The following DOCK3 variants were observed in gnomAD, a reference collection of about 807,000 sequenced individuals.
DOCK3 encodes dedicator of cytokinesis protein 3.
Under a neutral mutation model 265.6 loss-of-function variants are expected in DOCK3, and 60 were observed. That is an observed-to-expected ratio of 0.23 (90% CI 0.18 to 0.28). The LOEUF is 0.28. Among genes scored for constraint, DOCK3 ranks in the 10% least tolerant of loss-of-function variants. The pLI, the probability that DOCK3 is intolerant of heterozygous loss-of-function variation, is 1.00. For synonymous variants in DOCK3, 881 were observed against 938.0 expected, an observed-to-expected ratio of 0.94 and a Z score of 1.11; for missense variants, 1,981 against 2,594.3, an observed-to-expected ratio of 0.76 and a Z score of 5.14.
In DOCK3 at chr3:50,762,821, T is replaced by G. The variant is rs374025770; in HGVS notation, c.38-15854T>G. On this transcript the variant is annotated intron_variant, in intron 1 of 52. Transcript: ENST00000266037. ...TGTAATCATCTTTATGTGTTATGGA[T>G]TTTTTTCCTTGTGATATGTTTGTTT... Among the ~76,000 whole-genome samples the G allele has an allele frequency of 1.4e-3, 217 of 152,304 alleles. 5 individuals are homozygous for G. In the South Asian group the frequency reaches 0.044, roughly 31 times the overall value.
chr3:51,138,395 G>GA (rs966428542), intron 9 of DOCK3, among the ~76,000 whole-genome samples: 3 of 152,142 alleles, frequency 2.0e-5, no homozygotes, highest in African/African-American at 7.2e-5. Context: ...CCTCTGAAGT[G>GA]AAAAAAACAG....
At chr3:50,697,031 A>G (rs1198311468) in intron 1 of DOCK3, among the ~76,000 whole-genome samples, 1 of 151,712 alleles carries the variant, frequency 6.6e-6, no homozygotes, top group Non-Finnish European at 1.5e-5. Context: ...CCTGGGTTAA[A>G]GCAATCCTCC....
At chr3:51,128,704 C>T (rs1038179515) in intron 9 of DOCK3, among the ~76,000 whole-genome samples, 7 of 152,192 alleles carry the variant, frequency 4.6e-5, no homozygotes, top group Admixed American at 3.3e-4. Flanking sequence ...GGCTGATCAC[C>T]TTGAGGAACG....
chr3:50,880,759 C>A (rs1002461355), intron 3 of DOCK3, among the ~76,000 whole-genome samples: 5 of 152,160 alleles, frequency 3.3e-5, no homozygotes, highest in Non-Finnish European at 1.5e-5. Flanking sequence ...AAGTGGGAAT[C>A]CTCCCTAATT....
intron 1 of DOCK3, among the ~76,000 whole-genome samples, chr3:50,699,178 C>T (rs886885936): frequency 5.3e-5 from 8 of 152,130 alleles, no homozygotes; most frequent in Non-Finnish European, 1.0e-4. Context: ...CTGTCCTTTT[C>T]CCATCAAATG....
At chr3:51,255,282 C>G (rs1398788350) in intron 22 of DOCK3, among the ~76,000 whole-genome samples, 6 of 152,202 alleles carry the variant, frequency 3.9e-5, no homozygotes, top group Non-Finnish European at 8.8e-5. Flanking sequence ...CAGTCTTTCT[C>G]TCTGGCTGCC....
intron 24 of DOCK3, among the ~76,000 whole-genome samples, chr3:51,274,191 G>A (rs1490341584): frequency 6.6e-6 from 1 of 152,200 alleles, no homozygotes. Context: ...AATTATCAAA[G>A]TCTTGTGACA....
intron 21 of DOCK3, among the ~76,000 whole-genome samples, chr3:51,243,245 A>T (rs538677429): frequency 1.3e-5 from 2 of 152,260 alleles, no homozygotes; most frequent in South Asian, 4.1e-4. Context: ...CCTGGGCTCC[A>T]CATCATCTGG....
At chr3:50,886,314 T>C (rs2048334209) in intron 3 of DOCK3, among the ~76,000 whole-genome samples, 2 of 151,718 alleles carry the variant, frequency 1.3e-5, no homozygotes, top group Middle Eastern at 3.2e-3. Context: ...ATTTTAAAGA[T>C]TTTTACTATC....
chr3:51,065,631 TA>T (rs2081563778), intron 6 of DOCK3, among the ~76,000 whole-genome samples: 1 of 152,114 alleles, frequency 6.6e-6, no homozygotes, highest in South Asian at 2.1e-4. Flanking sequence ...TAAACAAATA[TA>T]AAAAATGGCT....
At chr3:50,717,863 G>C (rs1360058424) in intron 1 of DOCK3, among the ~76,000 whole-genome samples, 1 of 152,162 alleles carries the variant, frequency 6.6e-6, no homozygotes, top group Non-Finnish European at 1.5e-5. Context: ...GGCTTCAAGT[G>C]ATCCGCCCAC....
At chr3:51,365,914 T>C (rs1009673781) in intron 49 of DOCK3, among the ~76,000 whole-genome samples, 4 of 152,258 alleles carry the variant, frequency 2.6e-5, no homozygotes, top group African/African-American at 4.8e-5. Context: ...GATTTTTGCA[T>C]TGATGTTCAT....
At chr3:51,168,362 CA>C (rs2086508090) in intron 12 of DOCK3, among the ~76,000 whole-genome samples, 1 of 152,154 alleles carries the variant, frequency 6.6e-6, no homozygotes, top group African/African-American at 2.4e-5. Context: ...CTGCAGTAAC[CA>C]AAACAGCATG....
chr3:51,131,111 CAAT>C (rs2084512795), intron 9 of DOCK3, among the ~76,000 whole-genome samples: 1 of 152,158 alleles, frequency 6.6e-6, no homozygotes, highest in African/African-American at 2.4e-5. Context: ...GTCAGGAAGC[CAAT>C]GTGGGGGTTC....
intron 5 of DOCK3, among the ~76,000 whole-genome samples, chr3:50,994,996 G>A (rs551040967): frequency 6.6e-6 from 1 of 152,262 alleles, no homozygotes; most frequent in South Asian, 2.1e-4. Context: ...GGTATGCCAA[G>A]TATGTCATGA....
intron 21 of DOCK3, among the ~76,000 whole-genome samples, chr3:51,242,471 T>A (rs9856566): frequency 0.82 from 124,975 of 152,110 alleles, 51,931 homozygotes; most frequent in Middle Eastern, 0.9. Flanking sequence ...CAGATGCCAG[T>A]GTCAGGGTAC....
chr3:50,877,430 G>A (rs1365869807), intron 3 of DOCK3: 2 of 519,982 alleles, frequency 3.8e-6, no homozygotes, highest in South Asian at 1.4e-5. Flanking sequence ...CCAGAAATCT[G>A]TGTGCTTTCC....
intron 1 of DOCK3, among the ~76,000 whole-genome samples, chr3:50,770,334 ATC>A: frequency 6.6e-6 from 1 of 152,286 alleles, no homozygotes; most frequent in African/African-American, 2.4e-5. Flanking sequence ...GAAAAAAGTA[ATC>A]TCAGTTACAA....
intron 2 of DOCK3, among the ~76,000 whole-genome samples, chr3:50,803,861 C>T (rs938473427): frequency 2.1e-4 from 32 of 149,634 alleles, no homozygotes; most frequent in African/African-American, 4.7e-4. Context: ...CCATCCTGGA[C>T]GGGGCGGCTG....
Sources: gnomAD v4.1 joint callset for allele counts (sites outside exome capture counted in the v4.1 genomes callset) on GRCh38, gnomAD v4.1.1 for gene constraint, MANE v1.5 for transcripts, NCBI Gene and HGNC (gene_info 2026-07-23, HGNC 2026-07-21) for gene names.